The following IFI27 variants were observed in gnomAD, a reference collection of about 807,000 sequenced individuals.
IFI27 encodes the protein interferon alpha inducible protein 27, also known as interferon alpha-inducible protein 27, mitochondrial.
A neutral mutation model predicts 8.9 loss-of-function variants in IFI27; 3 were observed. That is an observed-to-expected ratio of 0.34 (90% CI 0.15 to 0.87). IFI27 has a LOEUF of 0.87. Ranked by LOEUF, IFI27 falls within the 40% of genes least tolerant of loss-of-function variation. The probability of loss-of-function intolerance (pLI) is 0.51; values close to 1 mark genes in which losing one functional copy is unlikely to be tolerated. For missense variants in IFI27, 152 were observed against 157.7 expected (o/e 0.96, Z 0.19); for synonymous variants, 66 against 67.3 (o/e 0.98, Z 0.09).
upstream of IFI27, among the ~76,000 whole-genome samples, chr14:94,106,519 G>T (rs777828013): frequency 5.3e-5 from 8 of 152,156 alleles, no homozygotes; most frequent in Non-Finnish European, 4.4e-5. Flanking sequence ...TGGTTGTGAG[G>T]TAGTATCTCA....
At chr14:94,110,567 AT>A (rs1202313118), upstream of IFI27, 2 of 152,166 alleles carry the variant, frequency 1.3e-5, no homozygotes, top group Non-Finnish European at 2.9e-5. Context: ...GGCAAATCCT[AT>A]TTCTGTAAAT....
chr14:94,108,491 GCCTTT>G (rs369520043), upstream of IFI27, among the ~76,000 whole-genome samples: 571 of 152,334 alleles, frequency 3.7e-3, 3 homozygotes, highest in Admixed American at 7.3e-3. Context: ...CCCCAACCCA[GCCTTT>G]GGTTAGGACA....
At chr14:94,113,533 A>G (rs1887271516) in intron 2 of IFI27, 1 of 152,206 alleles carries the variant, frequency 6.6e-6, no homozygotes, top group Admixed American at 6.5e-5. Context: ...TAATAGAAGT[A>G]GGAAAAGGTT....
Position 94,111,553 on chromosome 14 carries a change from A to G in IFI27, c.-58-72A>G. The G allele has an allele frequency of 1.4e-6, 1 of 740,142 alleles. No homozygotes were observed. Among genetic ancestry groups the G allele is most frequent in the South Asian group, 1.6e-5 (1 of 62,522 alleles). The allele number at this position is 740,142 out of a possible 1,614,324, so 45.8% of individuals were successfully genotyped here. A position where few individuals can be genotyped will look rare whatever the true frequency, so the allele number is the denominator to read the frequency against. On this transcript the variant is annotated intron_variant, in intron 1 of 4. Transcript: ENST00000621160. The surrounding 1 kb of genome is among the most constrained non-coding windows in gnomAD (Gnocchi z 4.3). ...TCCCTAGCCCCCTGGAGCCCGTCAC[A>G]TTTTTCAGGACAGTGGGAAGCAAGT...
At chr14:94,115,583 C>A in intron 3 of IFI27, 198 bp from the exon 4 acceptor site, 1 of 622,798 alleles carries the variant, frequency 1.6e-6, no homozygotes, top group Non-Finnish European at 2.8e-6. Context: ...TGCCCAGTGA[C>A]CCCACTAGCT....
Position 94,111,924 on chromosome 14 carries a change from C to T in IFI27, c.91+151C>T. The T allele has an allele frequency of 2.9e-6, 2 of 692,438 alleles. No individual in the cohort carries two copies. The highest frequency in any genetic ancestry group is 3.3e-5 in the South Asian group (2 of 59,898). 42.9% of individuals were successfully genotyped at this position (692,438 alleles called of 1,614,324 possible). ...TTCTCACAGCAGGCGTCCACCCTAA[C>T]TTTCCATCTGGGAGGGGGCCCGGGG... On this transcript the variant is annotated intron_variant, in intron 2 of 4. Transcript: ENST00000621160. The surrounding 1 kb of genome is among the most constrained non-coding windows in gnomAD (Gnocchi z 4.3).
upstream of IFI27, among the ~76,000 whole-genome samples, chr14:94,108,755 A>G (rs936704336): frequency 1.3e-5 from 2 of 150,336 alleles, no homozygotes; most frequent in African/African-American, 4.9e-5. Context: ...GTCAACATAA[A>G]AAAAAAAAAA....
upstream of IFI27, among the ~76,000 whole-genome samples, chr14:94,109,278 G>A (rs1183018428): frequency 1.3e-5 from 2 of 149,408 alleles, no homozygotes; most frequent in Non-Finnish European, 3.0e-5. Flanking sequence ...CTCCAGCCTG[G>A]GCAACAAGAG....
In IFI27 at chr14:94,111,736, C is replaced by T. The variant is rs1490541174; in HGVS notation, c.54C>T (p.Val18=). The change falls in exon 2 of 5, where the codon GTC becomes GTT. Residue 18 remains valine, a synonymous_variant. Transcript: ENST00000621160. The surrounding 1 kb of genome is among the most constrained non-coding windows in gnomAD (Gnocchi z 4.3). ...CAGTGACCAGTGTGGCCAAAGTGGT[C>T]AGGGTGGCCTCTGGCTCTGCCGTAG... 2 of 1,614,240 alleles carry T rather than the reference C, an allele frequency of 1.2e-6. No homozygotes were observed. Among genetic ancestry groups the T allele is most frequent in the Admixed American group, 1.7e-5 (1 of 60,034 alleles).
chr14:94,111,734 G>T lies in IFI27; in HGVS notation c.52G>T (p.Val18Phe). The change falls in exon 2 of 5, where the codon GTC becomes TTC. Residue 18 changes from valine to phenylalanine, a missense_variant. Physicochemically the swap from Val to Phe is conservative, Grantham distance 50 (BLOSUM62 -1). Coordinates refer to ENST00000621160, the Ensembl canonical transcript of IFI27. This position sits in a 1 kb window ranked among gnomAD's most constrained non-coding sequence, Gnocchi z 4.3. ...AGCAGTGACCAGTGTGGCCAAAGTG[G>T]TCAGGGTGGCCTCTGGCTCTGCCGT... 6.2e-7 allele frequency: 1 copy of T among 1,614,244 alleles called. No individual in the cohort carries two copies. The highest frequency in any genetic ancestry group is 8.5e-7 in the Non-Finnish European group (1 of 1,180,024).
At position 94,116,447 on chromosome 14, in the gene IFI27, A is replaced by G. The variant is rs752776685; in HGVS notation, c.289A>G (p.Thr97Ala). Residue 97 changes from threonine to alanine, a missense_variant, in exon 5 of 5, where the codon ACT (threonine) becomes GCT (alanine). Physicochemically the swap from Thr to Ala is moderately conservative, Grantham distance 58. Coordinates refer to ENST00000621160, the Ensembl canonical transcript of IFI27. The surrounding 1 kb of genome is among the most constrained non-coding windows in gnomAD (Gnocchi z 4.3). ...CACCCTCTGCTTCTTCCCAGGAGCA[A>G]CTGGACTCTCCGGATTGACCAAGTT... 1 of 1,611,702 alleles carries G rather than the reference A, an allele frequency of 6.2e-7. No homozygotes were observed. The highest frequency in any genetic ancestry group is 8.5e-7 in the Non-Finnish European group (1 of 1,178,838).
intron 3 of IFI27, 102 bp downstream of exon 3, chr14:94,114,982 G>A: frequency 9.3e-7 from 1 of 1,070,538 alleles, no homozygotes; most frequent in Non-Finnish European, 1.5e-6. Flanking sequence ...TCACATGGGT[G>A]GTCAGGGGAG....
chr14:94,111,600 C>T lies in IFI27; in HGVS notation c.-58-25C>T. 8.7e-7 allele frequency: 1 copy of T among 1,149,468 alleles called. No individual in the cohort carries two copies. Among genetic ancestry groups the T allele is most frequent in the South Asian group, 1.2e-5 (1 of 80,102 alleles). The allele number at this position is 1,149,468 out of a possible 1,614,324, so 71.2% of individuals were successfully genotyped here. On this transcript the variant is annotated intron_variant, in intron 1 of 4. Transcript: ENST00000621160. This position sits in a 1 kb window ranked among gnomAD's most constrained non-coding sequence, Gnocchi z 4.3. ...AAGTCAGGTTGTGTGCCCATCCCGT[C>T]CTCAGAGCTCCATCCCTTCGGCAGG...
At chr14:94,107,948 G>A (rs1040380646), upstream of IFI27, among the ~76,000 whole-genome samples, 5 of 152,046 alleles carry the variant, frequency 3.3e-5, no homozygotes, top group Non-Finnish European at 5.9e-5. Context: ...CCATCAACTC[G>A]TCATTTACAT....
intron 2 of IFI27, 48 bp from the exon 3 acceptor site, chr14:94,114,803 G>A: frequency 6.2e-7 from 1 of 1,609,730 alleles, no homozygotes; most frequent in Non-Finnish European, 8.5e-7. Flanking sequence ...AGAAAGTGGA[G>A]GGGAAGCCAG....
At chr14:94,115,451 A>G (rs958383466) in intron 3 of IFI27, 5 of 591,942 alleles carry the variant, frequency 8.4e-6, no homozygotes, top group Admixed American at 4.5e-5. Context: ...CAGCAAAGAT[A>G]AGAAACTTGC....
intron 2 of IFI27, 131 bp from the exon 3 acceptor site, chr14:94,114,720 A>G: frequency 1.2e-6 from 1 of 834,942 alleles, no homozygotes; most frequent in Non-Finnish European, 2.0e-6. Flanking sequence ...AGAGCGGTAG[A>G]CAGGAGTCAT....
chr14:94,108,484 CA>C (rs1887040818), upstream of IFI27, among the ~76,000 whole-genome samples: 1 of 152,158 alleles, frequency 6.6e-6, no homozygotes, highest in Non-Finnish European at 1.5e-5. Context: ...AGGGTGACCC[CA>C]ACCCAGCCTT....
Position 94,116,576 on chromosome 14 carries a change from G to A in IFI27, c.*49G>A, listed in dbSNP as rs187256333. 32 of 1,464,294 alleles carry A rather than the reference G, an allele frequency of 2.2e-5. No homozygotes were observed. In the African/African-American group the frequency reaches 3.1e-4, roughly 14 times the overall value. The allele number at this position is 1,464,294 out of a possible 1,614,324, so 90.7% of individuals were successfully genotyped here. ...GAAGAGAACCATGCCAGGGGAGAAG[G>A]CACCCAGCCATCCTGACCCAGCGAG... On this transcript the variant is annotated 3_prime_UTR_variant, in exon 5 of 5. Transcript: ENST00000621160. The surrounding 1 kb of genome is among the most constrained non-coding windows in gnomAD (Gnocchi z 4.3).
Sources: gnomAD v4.1 joint callset for allele counts (sites outside exome capture counted in the v4.1 genomes callset) on GRCh38, gnomAD v4.1.1 for gene constraint, Gnocchi (gnomAD v3.1) non-coding constraint, MANE v1.5 for transcripts, NCBI Gene and HGNC (gene_info 2026-07-23, HGNC 2026-07-21) for gene names.